Variants in PKP4 observed in about 807,000 individuals in gnomAD.
PKP4 encodes plakophilin-4.
PKP4 carries 90 observed loss-of-function variants against 145.1 expected under a neutral mutation model. The observed-to-expected ratio is 0.62, with a 90% confidence interval of 0.52 to 0.74. The LOEUF (loss-of-function observed/expected upper bound fraction) is 0.74, where lower values mean the gene tolerates loss of function less well. PKP4 is among the 30% of genes least tolerant of loss of function. PKP4 has a pLI of 0.00. For synonymous variants in PKP4, 563 were observed against 577.2 expected (o/e 0.98, Z 0.35); for missense variants, 1,340 against 1,482.7 (o/e 0.90, Z 1.58).
At chr2:158,556,963 TG>T (rs1205769596) in intron 2 of PKP4, among the ~76,000 whole-genome samples, 1 of 152,104 alleles carries the variant, frequency 6.6e-6, no homozygotes. Flanking sequence ...CTGAAGATCA[TG>T]GCATGGGGCT....
In PKP4 at chr2:158,631,768, A is replaced by G. The variant is rs186529388; in HGVS notation, c.1169A>G (p.Tyr390Cys). 5 of 1,614,000 alleles carry G rather than the reference A, an allele frequency of 3.1e-6. No individual in the cohort carries two copies. The highest frequency in any genetic ancestry group is 2.2e-5 in the East Asian group (1 of 44,870). ...PDSLTGLRSSYASQHSQLGQD... is the reference protein window; with the variant it reads ...PDSLTGLRSSCASQHSQLGQD... ...GTGCCTCTAGGCTTACGGAGTTCCT[A>G]TGCTAGTCAGCATAGTCAGCTTGGG... is the stretch of plus-strand genomic sequence containing the variant. The change falls in exon 8 of 22, where the codon TAT (tyrosine) becomes TGT (cysteine). Residue 390 changes from tyrosine (Y) to cysteine (C), a missense_variant. Transcript: ENST00000389759.
At chr2:158,508,687 C>T (rs1319370338) in intron 1 of PKP4, among the ~76,000 whole-genome samples, 2 of 152,130 alleles carry the variant, frequency 1.3e-5, no homozygotes, top group Non-Finnish European at 2.9e-5. Flanking sequence ...ATCATGATAC[C>T]TCTGATGTTC....
At chr2:158,635,688 C>T (rs2053749386) in intron 9 of PKP4, among the ~76,000 whole-genome samples, 1 of 152,132 alleles carries the variant, frequency 6.6e-6, no homozygotes, top group Non-Finnish European at 1.5e-5. Context: ...TAATATACCT[C>T]AGCTATTCAT....
chr2:158,616,537 CAG>C (rs1325444565), intron 4 of PKP4, among the ~76,000 whole-genome samples: 1 of 152,164 alleles, frequency 6.6e-6, no homozygotes, highest in Non-Finnish European at 1.5e-5. Flanking sequence ...GCTCACAAGC[CAG>C]AGAGTTGGAA....
chr2:158,608,808 CTTTT>C (rs66933766), intron 4 of PKP4, among the ~76,000 whole-genome samples: 13 of 86,180 alleles, frequency 1.5e-4, no homozygotes, highest in Non-Finnish European at 2.5e-4. Context: ...TCTTTTCTTT[CTTTT>C]TTTTTTTTTT....
chr2:158,555,291 G>A (rs2045994094), intron 2 of PKP4, among the ~76,000 whole-genome samples: 1 of 152,188 alleles, frequency 6.6e-6, no homozygotes, highest in South Asian at 2.1e-4. Flanking sequence ...TTGTGAGCCA[G>A]CTATTCTCCT....
chr2:158,462,135 G>T (rs1297937065), intron 1 of PKP4, among the ~76,000 whole-genome samples: 1 of 152,170 alleles, frequency 6.6e-6, no homozygotes, highest in Non-Finnish European at 1.5e-5. Context: ...CACTGGCTAG[G>T]TGGTATCTGA....
chr2:158,484,052 TGA>T (rs1693782734), intron 1 of PKP4, among the ~76,000 whole-genome samples: 1 of 87,706 alleles, frequency 1.1e-5, no homozygotes, highest in African/African-American at 4.3e-5. Context: ...TTTTTTTTTT[TGA>T]GACGGAGTCT....
At chr2:158,634,661 C>T (rs973684639) in intron 9 of PKP4, among the ~76,000 whole-genome samples, 11 of 152,186 alleles carry the variant, frequency 7.2e-5, no homozygotes, top group African/African-American at 2.7e-4. Context: ...TCTTCGATAA[C>T]AGCTTCAAAA....
chr2:158,673,430 G>A (rs562261142), intron 17 of PKP4, among the ~76,000 whole-genome samples: 16 of 152,290 alleles, frequency 1.1e-4, no homozygotes, highest in East Asian at 7.7e-4. Flanking sequence ...GGTTCGTCCC[G>A]GCCACAGCTG....
Position 158,634,169 on chromosome 2 carries a change from C to T in PKP4, c.1442C>T (p.Pro481Leu). ...AACACAACAGCTACCTACGCGGAGC[C>T]CTACAGGCCTATACAATACCGAGTG... The part of the protein sequence containing the change: ...ALNTTATYAE[P>L]YRPIQYRVQE... Residue 481 changes from proline to leucine, a missense_variant, in exon 9 of 22, where the codon CCC becomes CTC. By Grantham distance (98) the Pro-to-Leu change is moderately conservative. Coordinates refer to ENST00000389759, the MANE Select transcript of PKP4 (RefSeq NM_003628.6). 1.2e-6 allele frequency: 2 copies of T among 1,613,954 alleles called. No individual in the cohort carries two copies. The highest frequency in any genetic ancestry group is 1.1e-5 in the South Asian group (1 of 91,066).
At chr2:158,497,403 CTT>C (rs1695902470) in intron 1 of PKP4, among the ~76,000 whole-genome samples, 1 of 152,064 alleles carries the variant, frequency 6.6e-6, no homozygotes, top group Non-Finnish European at 1.5e-5. Context: ...TGCTTTTTCT[CTT>C]TAGTTCACTT....
In PKP4 at chr2:158,676,720, CCTT is replaced by C; in HGVS notation, c.3128-18_3128-16del. ...CTCTTTCTACCCCTCTTTCTCTCCT[CCTT>C]TGCCTCTCCCTTCAGTCGGCAGCAC... On this transcript the variant is annotated splice_polypyrimidine_tract_variant and intron_variant, in intron 19 of 21. Coordinates refer to ENST00000389759, the MANE Select transcript of PKP4 (RefSeq NM_003628.6). The C allele has an allele frequency of 6.2e-7, 1 of 1,614,100 alleles. No individual in the cohort carries two copies. Among genetic ancestry groups the C allele is most frequent in the South Asian group, 1.1e-5 (1 of 91,082 alleles).
At chr2:158,611,718 G>A (rs1172320047) in intron 4 of PKP4, among the ~76,000 whole-genome samples, 1 of 152,146 alleles carries the variant, frequency 6.6e-6, no homozygotes, top group Admixed American at 6.5e-5. Context: ...CAGCAATCAT[G>A]TATAAAGGAC....
chr2:158,465,209 G>A (rs892787345), intron 1 of PKP4, among the ~76,000 whole-genome samples: 1 of 152,188 alleles, frequency 6.6e-6, no homozygotes, highest in Non-Finnish European at 1.5e-5. Context: ...TGTTTCATAA[G>A]TATTAAGGAT....
chr2:158,537,929 A>G (rs1248112116), intron 2 of PKP4, among the ~76,000 whole-genome samples: 1 of 151,946 alleles, frequency 6.6e-6, no homozygotes, highest in African/African-American at 2.4e-5. Context: ...ACTCAGGAGA[A>G]TCACTTGAGT....
chr2:158,679,435 G>A (rs1575163136), intron 21 of PKP4: 3 of 152,282 alleles, frequency 2.0e-5, no homozygotes, highest in Admixed American at 2.0e-4. Flanking sequence ...CATAATTTAT[G>A]CTATGGTTTT....
intron 3 of PKP4, among the ~76,000 whole-genome samples, chr2:158,578,979 C>T (rs74873541): frequency 0.024 from 3,660 of 152,206 alleles, 120 homozygotes; most frequent in East Asian, 0.13. Context: ...CATAGAGGAG[C>T]TAAAGAATGA....
chr2:158,471,723 C>A (rs749645195), intron 1 of PKP4, among the ~76,000 whole-genome samples: 7 of 152,178 alleles, frequency 4.6e-5, no homozygotes, highest in Non-Finnish European at 7.4e-5. Flanking sequence ...CAATTTATTT[C>A]TTCTATTAAA....
Sources: allele counts gnomAD v4.1 joint callset (sites outside exome capture counted in the v4.1 genomes callset), GRCh38; gene constraint gnomAD v4.1.1; transcripts MANE v1.5; gene names NCBI Gene and HGNC (gene_info 2026-07-23, HGNC 2026-07-21).